DAAM1: variants seen among roughly 807,000 people sequenced by gnomAD.
The protein encoded by DAAM1 is disheveled-associated activator of morphogenesis 1.
Under a neutral mutation model 130.0 loss-of-function variants are expected in DAAM1, and 52 were observed. That is an observed-to-expected ratio of 0.40 (90% CI 0.32 to 0.50). The LOEUF (loss-of-function observed/expected upper bound fraction) is 0.50, where lower values mean the gene tolerates loss of function less well. Ranked by LOEUF, DAAM1 falls within the 20% of genes least tolerant of loss-of-function variation. The pLI, the probability that DAAM1 is intolerant of heterozygous loss-of-function variation, is 0.61. For synonymous variants in DAAM1, 452 were observed against 444.5 expected (o/e 1.02, Z -0.21); for missense variants, 1,134 against 1,303.8 (o/e 0.87, Z 2.01).
intron 3 of DAAM1, among the ~76,000 whole-genome samples, chr14:59,294,870 G>A (rs1883894830): frequency 6.6e-6 from 1 of 152,222 alleles, no homozygotes; most frequent in Non-Finnish European, 1.5e-5. Context: ...CCTGGGAACA[G>A]TAAGGAGTAA....
chr14:59,285,889 T>A (rs953843814), intron 2 of DAAM1, among the ~76,000 whole-genome samples: 3 of 152,056 alleles, frequency 2.0e-5, no homozygotes, highest in Non-Finnish European at 4.4e-5. Context: ...ACAGAGATAT[T>A]CTAGACTTAA....
At chr14:59,366,535 A>C (rs1886923625) in intron 23 of DAAM1, among the ~76,000 whole-genome samples, 1 of 152,164 alleles carries the variant, frequency 6.6e-6, no homozygotes, top group African/African-American at 2.4e-5. Flanking sequence ...GTTTGCTATT[A>C]GTTTTATGTC....
chr14:59,279,043 T>C (rs1883098193), intron 2 of DAAM1, among the ~76,000 whole-genome samples: 1 of 152,242 alleles, frequency 6.6e-6, no homozygotes, highest in Non-Finnish European at 1.5e-5. Flanking sequence ...ACAAGCAGGC[T>C]TGATTTTTTT....
At position 59,330,670 on chromosome 14, in the gene DAAM1, G is replaced by T; in HGVS notation, c.1542G>T (p.Gln514His). Residue 514 changes from glutamine (Q) to histidine (H), a missense_variant, in exon 13 of 25, where the codon CAG becomes CAT. By Grantham distance (24) the Gln-to-His change is conservative. Around this residue, in one of 3 missense-constraint regions of DAAM1, gnomAD observed 644 missense variants for 695.9 expected, o/e 0.93. Transcript: ENST00000360909. Reference protein sequence around the residue: ...VKQQVADLTAQLHELSRRAVC... With the variant: ...VKQQVADLTAHLHELSRRAVC... ...AGCAGGTGGCGGACCTCACAGCACAGCTCCATGAGCTCAGCAGGGTGAGGT... is the reference window on the plus strand; with the variant it reads ...AGCAGGTGGCGGACCTCACAGCACATCTCCATGAGCTCAGCAGGGTGAGGT... 1 of 1,611,550 alleles carries T rather than the reference G, an allele frequency of 6.2e-7. No homozygotes were observed. The highest frequency in any genetic ancestry group is 8.5e-7 in the Non-Finnish European group (1 of 1,179,048).
intron 2 of DAAM1, among the ~76,000 whole-genome samples, chr14:59,281,579 A>G (rs150324190): frequency 6.6e-6 from 1 of 152,144 alleles, no homozygotes; most frequent in African/African-American, 2.4e-5. Context: ...AGCAAAAGCC[A>G]TGTCATGAAG....
intron 1 of DAAM1, among the ~76,000 whole-genome samples, chr14:59,206,417 A>G (rs940214257): frequency 3.9e-5 from 6 of 152,084 alleles, no homozygotes; most frequent in African/African-American, 1.4e-4. Context: ...CTGGGACTAC[A>G]GGTGCCTGCC....
chr14:59,251,155 T>C (rs889662604), intron 1 of DAAM1, among the ~76,000 whole-genome samples: 3 of 152,228 alleles, frequency 2.0e-5, no homozygotes, highest in Admixed American at 1.3e-4. Flanking sequence ...TGATTCTCTA[T>C]TACAAGTTAG....
intron 1 of DAAM1, among the ~76,000 whole-genome samples, chr14:59,256,750 A>G (rs1037389336): frequency 5.3e-5 from 8 of 152,136 alleles, no homozygotes; most frequent in African/African-American, 1.7e-4. Context: ...CGGACAGGAA[A>G]AGGACCAACT....
intron 1 of DAAM1, among the ~76,000 whole-genome samples, chr14:59,240,707 AGGCACCCTCTCATCTGC>A: frequency 6.6e-6 from 1 of 152,346 alleles, no homozygotes; most frequent in African/African-American, 2.4e-5. Context: ...GGCAAAAAAG[AGGCACCCTCTCATCTGC>A]GGCATCCAGC....
At chr14:59,307,769 A>G (rs1053539267) in intron 3 of DAAM1, among the ~76,000 whole-genome samples, 4 of 152,202 alleles carry the variant, frequency 2.6e-5, no homozygotes, top group African/African-American at 2.4e-5. Flanking sequence ...TAGTGGAGAT[A>G]GCAAAAGTCA....
At chr14:59,255,538 G>A (rs1881841318) in intron 1 of DAAM1, among the ~76,000 whole-genome samples, 1 of 152,106 alleles carries the variant, frequency 6.6e-6, no homozygotes, top group South Asian at 2.1e-4. Context: ...AGACAATTTG[G>A]GTTAACATTA....
At chr14:59,322,847 A>G in intron 5 of DAAM1, 45 bp from the exon 6 acceptor site, 1 of 1,504,100 alleles carries the variant, frequency 6.6e-7, no homozygotes, top group Non-Finnish European at 9.0e-7. Flanking sequence ...GGGCTATTAT[A>G]AAACCCAAAG....
chr14:59,252,136 G>A (rs1268377440), intron 1 of DAAM1, among the ~76,000 whole-genome samples: 6 of 152,210 alleles, frequency 3.9e-5, no homozygotes, highest in Non-Finnish European at 8.8e-5. Context: ...GTGTCCACAT[G>A]TGTTCAGAAT....
At chr14:59,366,908 A>AC (rs1234986538) in intron 23 of DAAM1, among the ~76,000 whole-genome samples, 6 of 132,760 alleles carry the variant, frequency 4.5e-5, no homozygotes, top group Non-Finnish European at 6.5e-5. Context: ...AACATGTAAG[A>AC]CCCCATCTAT....
At chr14:59,327,263 A>C (rs1594825612) in intron 12 of DAAM1, among the ~76,000 whole-genome samples, 1 of 152,028 alleles carries the variant, frequency 6.6e-6, no homozygotes, top group East Asian at 1.9e-4. Context: ...CTTAAATCAA[A>C]TTTTCTTAAC....
rs1887045551 is a variant in DAAM1, at chr14:59,369,188, C to T, written c.*329C>T. 5.4e-6 allele frequency: 1 copy of T among 185,280 alleles called. No individual in the cohort carries two copies. The highest frequency in any genetic ancestry group is 1.6e-4 in the South Asian group (1 of 6,248). The allele number at this position is 185,280 out of a possible 1,614,324, so 11.5% of individuals were successfully genotyped here. On this transcript the variant is annotated 3_prime_UTR_variant, in exon 25 of 25. Transcript: ENST00000360909. ...CTGTTCAGAAGCACAATACTATCTC[C>T]TGAAAGAGATAAGAGACATTCCCTA... is the stretch of plus-strand genomic sequence containing the variant.
intron 1 of DAAM1, among the ~76,000 whole-genome samples, chr14:59,207,702 T>C (rs1413947991): frequency 1.3e-5 from 2 of 152,184 alleles, no homozygotes; most frequent in Non-Finnish European, 2.9e-5. Context: ...GTCCTCTGGC[T>C]CTCCAGGACT....
intron 1 of DAAM1, among the ~76,000 whole-genome samples, chr14:59,203,158 ATTTTTTT>A (rs57437992): frequency 1.3e-4 from 14 of 108,116 alleles, no homozygotes; most frequent in African/African-American, 3.4e-4. Context: ...CTTCTGGCTA[ATTTTTTT>A]TTTTTTTTTT....
In DAAM1 at chr14:59,331,545, G is replaced by A. The variant is rs752659061; in HGVS notation, c.1860+37G>A. On this transcript the variant is annotated intron_variant, in intron 14 of 24. Transcript: ENST00000360909. ...GTTCCAGTTTTCCCTTTAATGGATA[G>A]CATTAGCAGCTCATTGTGTTATCAC... is the stretch of plus-strand genomic sequence containing the variant. 7 of 1,537,226 alleles carry A rather than the reference G, an allele frequency of 4.6e-6. No individual in the cohort carries two copies. The East Asian group carries it at 1.6e-4, about 35-fold the overall frequency.
Sources: allele counts gnomAD v4.1 joint callset (sites outside exome capture counted in the v4.1 genomes callset), GRCh38; gene constraint gnomAD v4.1.1; regional missense constraint gnomAD v4.1.1; transcripts MANE v1.5; gene names NCBI Gene and HGNC (gene_info 2026-07-23, HGNC 2026-07-21).